The following ANKRD62 variants were observed in gnomAD, a reference collection of about 807,000 sequenced individuals.
ANKRD62 encodes ankyrin repeat domain 62.
Under a neutral mutation model 98.8 loss-of-function variants are expected in ANKRD62, and 61 were observed. That is an observed-to-expected ratio of 0.62 (90% CI 0.50 to 0.76). ANKRD62 has a LOEUF of 0.76. Among genes scored for constraint, ANKRD62 ranks in the 30% least tolerant of loss-of-function variants. The probability of loss-of-function intolerance (pLI) is 0.00; values close to 1 mark genes in which losing one functional copy is unlikely to be tolerated. For missense variants in ANKRD62, 933 were observed against 1,082.9 expected, an observed-to-expected ratio of 0.86 and a Z score of 1.94; for synonymous variants, 341 against 367.9, an observed-to-expected ratio of 0.93 and a Z score of 0.84.
intron 1 of ANKRD62, 92 bp from the exon 2 acceptor site, chr18:12,095,079 A>T (rs1013590435): frequency 3.3e-6 from 3 of 912,974 alleles, no homozygotes; most frequent in Non-Finnish European, 5.1e-6. Flanking sequence ...GCAGAGGGAT[A>T]ACATACTATT....
the ANKRD62 span, among the ~76,000 whole-genome samples, chr18:12,139,675 C>A: frequency 1.8e-3 from 278 of 152,100 alleles, no homozygotes; most frequent in African/African-American, 6.3e-3. Context: ...AGTATTGGCC[C>A]CCACTCTCTT....
the ANKRD62 span, among the ~76,000 whole-genome samples, chr18:12,139,745 G>A: frequency 2.4e-4 from 36 of 152,142 alleles, no homozygotes; most frequent in East Asian, 6.8e-3. Flanking sequence ...TCCCTTTGTG[G>A]GTAACCCGAC....
chr18:12,171,156 A>G, the ANKRD62 span, among the ~76,000 whole-genome samples: 1 of 152,074 alleles, frequency 6.6e-6, no homozygotes, highest in Admixed American at 6.6e-5. Flanking sequence ...TAATATTGTT[A>G]TATGTGAATT....
intron 8 of ANKRD62, among the ~76,000 whole-genome samples, chr18:12,111,234 G>A (rs1909531026): frequency 6.9e-6 from 1 of 145,590 alleles, no homozygotes; most frequent in East Asian, 2.0e-4. Flanking sequence ...TGGTGATAGA[G>A]CGAGACTGCC....
At chr18:12,137,654 T>A in the ANKRD62 span, among the ~76,000 whole-genome samples, 1 of 152,360 alleles carries the variant, frequency 6.6e-6, no homozygotes, top group South Asian at 2.1e-4. Context: ...TCTGGTAGAA[T>A]TCGGCTGTGA....
chr18:12,131,900 A>T (rs1462417934), downstream of ANKRD62, among the ~76,000 whole-genome samples: 1 of 151,874 alleles, frequency 6.6e-6, no homozygotes, highest in Non-Finnish European at 1.5e-5. Flanking sequence ...CTCTAAATTT[A>T]TTCTTTTGTT....
the ANKRD62 span, among the ~76,000 whole-genome samples, chr18:12,161,075 T>C: frequency 1.1e-4 from 17 of 152,130 alleles, no homozygotes; most frequent in East Asian, 3.8e-4. Flanking sequence ...AAAGGTACTA[T>C]CTTAAAATGT....
chr18:12,134,446 A>G (rs1244303067), downstream of ANKRD62, among the ~76,000 whole-genome samples: 1 of 152,058 alleles, frequency 6.6e-6, no homozygotes, highest in East Asian at 1.9e-4. Context: ...ACATATGTAT[A>G]CATGCGCCAT....
rs1181731799 is a variant in ANKRD62, at chr18:12,093,973, T to A, written c.-45T>A. ...CAGAAAACGAGTGGGAGCTGAGGTG[T>A]CTTAAAGCCGTTCCTCAGCCTGGGA... is the stretch of plus-strand genomic sequence containing the variant. On this transcript the variant is annotated 5_prime_UTR_variant, in exon 1 of 14. Transcript: ENST00000587848. The A allele has an allele frequency of 3.9e-6, 6 of 1,523,578 alleles. No homozygotes were observed. Among genetic ancestry groups the A allele is most frequent in the Non-Finnish European group, 5.3e-6 (6 of 1,137,828 alleles). 94.4% of individuals were successfully genotyped at this position (1,523,578 alleles called of 1,614,324 possible). A position where few individuals can be genotyped will look rare whatever the true frequency, so the allele number is the denominator to read the frequency against.
In ANKRD62 at chr18:12,094,007, C is replaced by T. The variant is rs9964971; in HGVS notation, c.-11C>T. ...CGTTCCTCAGCCTGGGAGAAGATCT[C>T]TGGCTTCAGGATGGAGGTCAGGGGG... On this transcript the variant is annotated 5_prime_UTR_variant, in exon 1 of 14. Transcript: ENST00000587848. 0.62 allele frequency: 946,041 copies of T among 1,533,914 alleles called. 296,353 individuals are homozygous for T. The highest frequency in any genetic ancestry group is 0.7 in the Middle Eastern group (3,849 of 5,490).
At chr18:12,167,817 G>A in the ANKRD62 span, among the ~76,000 whole-genome samples, 20 of 152,104 alleles carry the variant, frequency 1.3e-4, no homozygotes, top group Non-Finnish European at 2.8e-4. Flanking sequence ...TTTAAGGATT[G>A]CCATTCTAAC....
the ANKRD62 span, among the ~76,000 whole-genome samples, chr18:12,153,116 A>G: frequency 6.6e-6 from 1 of 152,342 alleles, no homozygotes; most frequent in Non-Finnish European, 1.5e-5. Flanking sequence ...AGAGCTCTAC[A>G]AGGAGAACTA....
the ANKRD62 span, among the ~76,000 whole-genome samples, chr18:12,154,158 C>A: frequency 2.6e-5 from 4 of 152,062 alleles, no homozygotes; most frequent in African/African-American, 9.7e-5. Flanking sequence ...ATCAACAGAA[C>A]AAACAGCCTA....
intron 6 of ANKRD62, chr18:12,102,447 T>C: frequency 2.1e-6 from 1 of 466,750 alleles, no homozygotes; most frequent in Non-Finnish European, 4.1e-6. Context: ...CCGCGAAGGG[T>C]ACTCAGTCTC....
At chr18:12,121,368 G>A (rs758798853) in intron 10 of ANKRD62, among the ~76,000 whole-genome samples, 17 of 152,082 alleles carry the variant, frequency 1.1e-4, no homozygotes, top group Non-Finnish European at 1.0e-4. Context: ...CTTGGGATTG[G>A]ACCCTCTTCT....
At chr18:12,116,334 T>G (rs894067084) in intron 10 of ANKRD62, among the ~76,000 whole-genome samples, 2 of 152,254 alleles carry the variant, frequency 1.3e-5, no homozygotes, top group Admixed American at 1.3e-4. Context: ...GTTGTCACAC[T>G]AAGTATTGCA....
At chr18:12,126,626 G>A (rs1345070976) in intron 13 of ANKRD62, among the ~76,000 whole-genome samples, 1 of 152,182 alleles carries the variant, frequency 6.6e-6, no homozygotes, top group Non-Finnish European at 1.5e-5. Flanking sequence ...GTTACAAAAT[G>A]TTAATATAGA....
chr18:12,167,215 C>T, the ANKRD62 span, among the ~76,000 whole-genome samples: 19 of 150,282 alleles, frequency 1.3e-4, no homozygotes, highest in Non-Finnish European at 2.2e-4. Flanking sequence ...ATACATGTGC[C>T]GTGTTGGTTT....
At chr18:12,119,930 TTCA>T (rs1353938976) in intron 10 of ANKRD62, among the ~76,000 whole-genome samples, 2 of 152,176 alleles carry the variant, frequency 1.3e-5, no homozygotes, top group African/African-American at 4.8e-5. Context: ...ATTTTCTTTT[TTCA>T]TCATCTCTTT....
Sources: gnomAD v4.1 joint callset for allele counts (sites outside exome capture counted in the v4.1 genomes callset) on GRCh38, gnomAD v4.1.1 for gene constraint, MANE v1.5 for transcripts, NCBI Gene and HGNC (gene_info 2026-07-23, HGNC 2026-07-21) for gene names.